The following LGR4 variants were observed in gnomAD, a reference collection of about 807,000 sequenced individuals.
LGR4 encodes leucine-rich repeat-containing G protein-coupled receptor 4.
In LGR4, 44 loss-of-function variants were observed where a neutral mutation model predicts 84.8. The observed-to-expected ratio is 0.52, with a 90% CI of 0.41 to 0.67. LGR4 has a LOEUF of 0.67. Among genes scored for constraint, LGR4 ranks in the 30% least tolerant of loss-of-function variants. LGR4 has a pLI of 0.00. For missense variants in LGR4, 1,032 were observed against 1,131.4 expected (o/e 0.91, Z 1.26); for synonymous variants, 429 against 434.3 (o/e 0.99, Z 0.15).
At chr11:27,420,970 A>G (rs1406636300) in intron 1 of LGR4, among the ~76,000 whole-genome samples, 1 of 152,234 alleles carries the variant, frequency 6.6e-6, no homozygotes, top group Non-Finnish European at 1.5e-5. Flanking sequence ...AAAAGCTACC[A>G]AGACAAGCAA....
Position 27,385,473 on chromosome 11 carries a change from C to T in LGR4, c.402-5G>A. On this transcript the variant is annotated splice_region_variant and splice_polypyrimidine_tract_variant and intron_variant, in intron 4 of 17. Coordinates refer to ENST00000379214, the MANE Select transcript of LGR4 (RefSeq NM_018490.5). ...ATATGGTTGGCATCTAAACGCCTAA[C>T]AGAAACAAAAACAACCATGTTCAGT... 6.3e-7 allele frequency: 1 copy of T among 1,582,230 alleles called. No individual in the cohort carries two copies.
intron 1 of LGR4, among the ~76,000 whole-genome samples, chr11:27,429,069 G>T (rs1471072291): frequency 2.0e-5 from 3 of 152,178 alleles, no homozygotes. Flanking sequence ...GGAGGTAAAG[G>T]TGAGGGAGTG....
At chr11:27,375,684 A>G (rs968933542) in intron 13 of LGR4, among the ~76,000 whole-genome samples, 1 of 152,176 alleles carries the variant, frequency 6.6e-6, no homozygotes, top group African/African-American at 2.4e-5. Flanking sequence ...GGCAGTGTTC[A>G]ATTAAACTTA....
intron 1 of LGR4, among the ~76,000 whole-genome samples, chr11:27,462,258 G>A (rs1032349176): frequency 2.8e-4 from 43 of 152,224 alleles, no homozygotes; most frequent in African/African-American, 1.0e-3. Context: ...TTGCTCTGAA[G>A]AGAAACCCTG....
chr11:27,374,712 A>T (rs1441026497), intron 13 of LGR4, among the ~76,000 whole-genome samples: 1 of 152,096 alleles, frequency 6.6e-6, no homozygotes, highest in Non-Finnish European at 1.5e-5. Context: ...TAACAAGGAA[A>T]CTCAACACAC....
At chr11:27,419,956 A>G (rs1057429539) in intron 1 of LGR4, among the ~76,000 whole-genome samples, 1 of 152,170 alleles carries the variant, frequency 6.6e-6, no homozygotes, top group South Asian at 2.1e-4. Flanking sequence ...ACGAAGAGGC[A>G]TTAAAAAAAT....
At chr11:27,438,983 C>T (rs549147877) in intron 1 of LGR4, among the ~76,000 whole-genome samples, 1 of 152,116 alleles carries the variant, frequency 6.6e-6, no homozygotes, top group Non-Finnish European at 1.5e-5. Flanking sequence ...TTTGGAAAAC[C>T]CAGGCTAATA....
At chr11:27,381,064 GATA>G (rs1863084209) in intron 7 of LGR4, 98 bp from the exon 8 acceptor site, 2 of 614,050 alleles carry the variant, frequency 3.3e-6, no homozygotes, top group Admixed American at 5.6e-5. Flanking sequence ...AAATACAACT[GATA>G]ATGACTACAT....
intron 2 of LGR4, among the ~76,000 whole-genome samples, chr11:27,393,948 G>C (rs1313879004): frequency 8.5e-5 from 10 of 118,066 alleles, no homozygotes; most frequent in East Asian, 3.0e-4. Context: ...TTGGGGGGGG[G>C]GGGGGGCGCG....
rs761830490 is a variant in LGR4 at position 27,369,008 on chromosome 11, G to A, written c.1715C>T (p.Ser572Leu). The A allele has an allele frequency of 8.7e-6, 14 of 1,613,880 alleles. No homozygotes were observed. In the East Asian group the frequency reaches 1.8e-4, roughly 21 times the overall value. Residue 572 changes from serine (S) to leucine (L), a missense_variant, in exon 18 of 18, where the codon TCG becomes TTG. Physicochemically the swap from Ser to Leu is moderately radical, Grantham distance 145. Transcript: ENST00000379214. The stretch of plus-strand genomic sequence containing the variant: ...AATCAAGCCTATAAACAATTTGGAC[G>A]AAGGCAGTGATGTACAAGATGCAAA... The part of the protein sequence containing the change: ...TTFASCTSLP[S>L]SKLFIGLISV...
intron 13 of LGR4, among the ~76,000 whole-genome samples, chr11:27,374,463 GACAA>G (rs1414436474): frequency 1.3e-5 from 2 of 152,108 alleles, no homozygotes; most frequent in East Asian, 1.9e-4. Context: ...CCCGAGAGAA[GACAA>G]ACAATCAATA....
At chr11:27,447,598 AC>A (rs1490012817) in intron 1 of LGR4, among the ~76,000 whole-genome samples, 16 of 152,160 alleles carry the variant, frequency 1.1e-4, no homozygotes, top group Admixed American at 1.0e-3. Flanking sequence ...CTAACCAGCA[AC>A]CCTTGGGGTT....
intron 1 of LGR4, among the ~76,000 whole-genome samples, chr11:27,450,953 A>G (rs1864472171): frequency 6.6e-6 from 1 of 152,338 alleles, no homozygotes; most frequent in South Asian, 2.1e-4. Context: ...AATAATGTCC[A>G]GTGGCAGGTT....
Position 27,384,386 on chromosome 11 carries a change from A to G in LGR4, c.639T>C (p.Ile213=), listed in dbSNP as rs1348228617. The G allele has an allele frequency of 6.2e-7, 1 of 1,610,268 alleles. No homozygotes were observed. Among genetic ancestry groups the G allele is most frequent in the South Asian group, 1.1e-5 (1 of 90,940 alleles). The part of the protein sequence containing the change: ...LVVLHLHNNK[I]RSLSQHCFDG... ...CAAAACAGTGTTGACTCAGGCTTCT[A>G]ATTTTATTGTTATGAAGATGCCTAA... is the stretch of plus-strand genomic sequence containing the variant. The change falls in exon 6 of 18, where the codon ATT becomes ATC. Residue 213 remains isoleucine (I), a synonymous_variant. Transcript: ENST00000379214.
intron 1 of LGR4, among the ~76,000 whole-genome samples, chr11:27,467,566 C>CAAAAAAAAAAAAAAAAAAAAAAAAAAA (rs761925670): frequency 2.3e-4 from 12 of 51,794 alleles, no homozygotes; most frequent in African/African-American, 6.2e-4. Context: ...GAGTCCGTCT[C>CAAAAAAAAAAAAAAAAAAAAAAAAAAA]AAAAAAAAAA....
intron 3 of LGR4, 56 bp from the exon 4 acceptor site, chr11:27,391,221 G>C: frequency 1.4e-6 from 1 of 693,196 alleles, no homozygotes; most frequent in Non-Finnish European, 2.3e-6. Context: ...TTTTTTCTTA[G>C]AAAAATTCAG....
intron 17 of LGR4, among the ~76,000 whole-genome samples, chr11:27,370,704 G>A (rs1425864549): frequency 6.6e-6 from 1 of 152,158 alleles, no homozygotes; most frequent in Non-Finnish European, 1.5e-5. Context: ...TGGAAACGCT[G>A]CATGTTGAAG....
At chr11:27,377,634 TC>T (rs1019393605) in intron 11 of LGR4, among the ~76,000 whole-genome samples, 5 of 152,074 alleles carry the variant, frequency 3.3e-5, no homozygotes, top group Non-Finnish European at 7.4e-5. Context: ...ATATTGTTTA[TC>T]CCATAAATAA....
At position 27,392,432 on chromosome 11, in the gene LGR4, A is replaced by C; in HGVS notation, c.329+15T>G. The C allele has an allele frequency of 6.4e-7, 1 of 1,564,860 alleles. No individual in the cohort carries two copies. Among genetic ancestry groups the C allele is most frequent in the Non-Finnish European group, 8.6e-7 (1 of 1,159,394 alleles). On this transcript the variant is annotated intron_variant, in intron 3 of 17. Coordinates refer to ENST00000379214, the MANE Select transcript of LGR4 (RefSeq NM_018490.5). The stretch of plus-strand genomic sequence containing the variant: ...TACACAGCCAGCTGTGAAACTCTAA[A>C]ATTGCATTACTTACAGAACTTTGAG...
Sources: gnomAD v4.1 joint callset for allele counts (sites outside exome capture counted in the v4.1 genomes callset) on GRCh38, gnomAD v4.1.1 for gene constraint, MANE v1.5 for transcripts, NCBI Gene and HGNC (gene_info 2026-07-23, HGNC 2026-07-21) for gene names.